The following LY86 variants were observed in gnomAD, a reference collection of about 807,000 sequenced individuals.
LY86 encodes the protein lymphocyte antigen 86, also known as MD-1, RP105-associated.
LY86 carries 20 observed loss-of-function variants against 17.3 expected under a neutral mutation model. The ratio of observed to expected loss-of-function variants is 1.15; its 90% CI spans 0.81 to 1.68. The LOEUF (loss-of-function observed/expected upper bound fraction) is 1.68. Ranked by LOEUF, LY86 falls within the 40% of genes most tolerant of loss-of-function variation. The probability of loss-of-function intolerance (pLI) is 0.00; values close to 1 mark genes in which losing one functional copy is unlikely to be tolerated. For missense variants in LY86, 200 were observed against 191.9 expected (o/e 1.04, Z -0.25); for synonymous variants, 74 against 70.6 (o/e 1.05, Z -0.24).
chr6:6,612,567 G>A (rs1053359188), intron 1 of LY86, among the ~76,000 whole-genome samples: 3 of 151,936 alleles, frequency 2.0e-5, no homozygotes, highest in Non-Finnish European at 2.9e-5. Context: ...GTTGTCACTA[G>A]TGGAGCCTGC....
intron 1 of LY86, among the ~76,000 whole-genome samples, chr6:6,612,394 C>G (rs996582209): frequency 2.6e-5 from 4 of 152,192 alleles, no homozygotes. Context: ...TATTTTCCCC[C>G]AGTGGGTACC....
chr6:6,612,959 T>A (rs1452112503), intron 1 of LY86, among the ~76,000 whole-genome samples: 1 of 151,856 alleles, frequency 6.6e-6, no homozygotes, highest in African/African-American at 2.4e-5. Flanking sequence ...AACTCTGAGC[T>A]AGACACAGGG....
chr6:6,599,324 A>ATT (rs1760824014), intron 1 of LY86, among the ~76,000 whole-genome samples: 1 of 152,202 alleles, frequency 6.6e-6, no homozygotes, highest in African/African-American at 2.4e-5. Context: ...ACTGCCTGGT[A>ATT]TTGTTAATGC....
At chr6:6,612,325 C>T (rs1031232383) in intron 1 of LY86, among the ~76,000 whole-genome samples, 1 of 152,190 alleles carries the variant, frequency 6.6e-6, no homozygotes, top group Non-Finnish European at 1.5e-5. Flanking sequence ...CGTGAAACTG[C>T]AGACCCTCGC....
In LY86 at chr6:6,649,591, A is replaced by G. The variant is rs753101768; in HGVS notation, c.353-34A>G. On this transcript the variant is annotated intron_variant, in intron 3 of 4. Transcript: ENST00000230568. The stretch of plus-strand genomic sequence containing the variant: ...AATGAATCATTTTTTTAAATGATTG[A>G]ATAACATCATCTATGCTTTATATAT... The G allele has an allele frequency of 3.0e-6, 4 of 1,321,500 alleles. No homozygotes were observed. The East Asian group carries it at 7.0e-5, about 23-fold the overall frequency. 81.9% of individuals were successfully genotyped at this position (1,321,500 alleles called of 1,614,324 possible).
rs367843825 is a variant in LY86 at position 6,588,942 on chromosome 6, C to CAGTTGG, written c.136+79_136+84dup. ...CCCACAGATGTGAGCCGCTAGTGCT[C>CAGTTGG]AGTTGGAGTTGGGGTGGGAGGGGAG... On this transcript the variant is annotated intron_variant, in intron 1 of 4. Transcript: ENST00000230568. The CAGTTGG allele has an allele frequency of 4.1e-5, 62 of 1,520,100 alleles. No homozygotes were observed. The South Asian group carries it at 4.7e-4, about 11-fold the overall frequency. 94.2% of individuals were successfully genotyped at this position (1,520,100 alleles called of 1,614,324 possible). A position where few individuals can be genotyped will look rare whatever the true frequency, so the allele number is the denominator to read the frequency against.
At chr6:6,649,749 A>G (rs200956331) in intron 4 of LY86, 72 bp downstream of exon 4, 2 of 605,168 alleles carry the variant, frequency 3.3e-6, no homozygotes, top group Non-Finnish European at 5.2e-6. Flanking sequence ...AGAAGGAGGG[A>G]AAGGAGGAGA....
chr6:6,602,155 G>A (rs572374003), intron 1 of LY86, among the ~76,000 whole-genome samples: 99 of 152,200 alleles, frequency 6.5e-4, no homozygotes, highest in African/African-American at 2.2e-3. Flanking sequence ...TATCAAAATG[G>A]TGTCACCACA....
intron 1 of LY86, among the ~76,000 whole-genome samples, chr6:6,605,183 G>A (rs919078322): frequency 6.6e-5 from 10 of 152,140 alleles, no homozygotes; most frequent in Admixed American, 1.3e-4. Flanking sequence ...TGATAATGAT[G>A]AATTTGGAAC....
intron 1 of LY86, among the ~76,000 whole-genome samples, chr6:6,606,509 GC>G (rs1460598153): frequency 4.6e-5 from 7 of 152,202 alleles, no homozygotes; most frequent in African/African-American, 9.7e-5. Context: ...GGACCGGGGC[GC>G]CGTGTAGCAG....
At chr6:6,623,701 A>G (rs535209759) in intron 1 of LY86, among the ~76,000 whole-genome samples, 141 of 152,268 alleles carry the variant, frequency 9.3e-4, no homozygotes, top group Non-Finnish European at 1.7e-3. Context: ...GTGTTGGGGA[A>G]CCTAGAGAAT....
At chr6:6,607,508 A>C (rs1425881976) in intron 1 of LY86, among the ~76,000 whole-genome samples, 1 of 152,202 alleles carries the variant, frequency 6.6e-6, no homozygotes, top group East Asian at 1.9e-4. Context: ...CAAAAGAAAA[A>C]ATTAAAATAT....
intron 3 of LY86, among the ~76,000 whole-genome samples, 183 bp downstream of exon 3, chr6:6,626,604 C>T (rs1761793695): frequency 6.6e-6 from 1 of 152,192 alleles, no homozygotes; most frequent in Non-Finnish European, 1.5e-5. Flanking sequence ...CATAGGCCTA[C>T]CTTACAGGGC....
intron 2 of LY86, 108 bp from the exon 3 acceptor site, chr6:6,626,185 T>A (rs557750055): frequency 6.0e-5 from 66 of 1,093,184 alleles, no homozygotes; most frequent in Admixed American, 4.4e-4. Flanking sequence ...ACAGAGAAGA[T>A]TAATGGAAAC....
In LY86 at chr6:6,588,811, C is replaced by T. The variant is rs370576233; in HGVS notation, c.77C>T (p.Ala26Val). The stretch of plus-strand genomic sequence containing the variant: ...TGCAGTGGAGGCGGCGGTGGGAAAG[C>T]CTGGCCCACACACGTGGTCTGTAGC... ...PSCSGGGGGK[A>V]WPTHVVCSDS... Residue 26 changes from alanine (A) to valine (V), a missense_variant, in exon 1 of 5, where the codon GCC (alanine) becomes GTC (valine). Coordinates refer to ENST00000230568, the MANE Select transcript of LY86 (RefSeq NM_004271.4). 6.2e-7 allele frequency: 1 copy of T among 1,614,020 alleles called. No homozygotes were observed. Among genetic ancestry groups the T allele is most frequent in the Non-Finnish European group, 8.5e-7 (1 of 1,180,006 alleles).
intron 1 of LY86, 133 bp downstream of exon 1, chr6:6,589,003 G>A (rs186182291): frequency 2.4e-6 from 3 of 1,241,864 alleles, no homozygotes; most frequent in Admixed American, 5.0e-5. Flanking sequence ...TCCACCTGCA[G>A]CAGGTCTGGG....
intron 1 of LY86, among the ~76,000 whole-genome samples, chr6:6,610,439 C>CT (rs1356204548): frequency 1.3e-5 from 2 of 152,348 alleles, no homozygotes; most frequent in Middle Eastern, 3.4e-3. Flanking sequence ...CTGGGCTCCA[C>CT]TGCCCTGGCC....
intron 1 of LY86, among the ~76,000 whole-genome samples, chr6:6,609,474 ATC>A (rs1209704490): frequency 6.6e-6 from 1 of 152,146 alleles, no homozygotes; most frequent in Non-Finnish European, 1.5e-5. Context: ...GAGATACTGG[ATC>A]TCTTATTCTC....
At chr6:6,602,064 C>G (rs189185970) in intron 1 of LY86, among the ~76,000 whole-genome samples, 24 of 152,326 alleles carry the variant, frequency 1.6e-4, no homozygotes, top group Admixed American at 1.5e-3. Flanking sequence ...CCACCTGACC[C>G]TACCACCTTC....
Sources: gnomAD v4.1 joint callset for allele counts (sites outside exome capture counted in the v4.1 genomes callset) on GRCh38, gnomAD v4.1.1 for gene constraint, MANE v1.5 for transcripts, NCBI Gene and HGNC (gene_info 2026-07-23, HGNC 2026-07-21) for gene names.